SEM1: variants seen among roughly 807,000 people sequenced by gnomAD.
SEM1 encodes the protein SEM1 26S proteasome subunit.
Under a neutral mutation model 12.7 loss-of-function variants are expected in SEM1, and 3 were observed. The observed-to-expected ratio is 0.24, with a 90% CI of 0.11 to 0.61. The LOEUF (loss-of-function observed/expected upper bound fraction) is 0.61. Ranked by LOEUF, SEM1 falls within the 20% of genes least tolerant of loss-of-function variation. SEM1 has a pLI of 0.88. For missense variants in SEM1, 59 were observed against 81.3 expected (o/e 0.73, Z 1.06); for synonymous variants, 30 against 27.8 (o/e 1.08, Z -0.25).
chr7:96,675,652 C>T (rs1034332655), intron 2 of SEM1, among the ~76,000 whole-genome samples: 12 of 152,162 alleles, frequency 7.9e-5, no homozygotes, highest in African/African-American at 2.9e-4. Context: ...CCAGCTCTCA[C>T]TGTCATTTCC....
intron 2 of SEM1, among the ~76,000 whole-genome samples, chr7:96,518,732 C>G (rs1043273100): frequency 2.6e-5 from 4 of 152,114 alleles, no homozygotes; most frequent in African/African-American, 9.7e-5. Context: ...TATCTCTTTG[C>G]GAATTATTCA....
chr7:96,578,840 C>G (rs1360189816), intron 2 of SEM1, among the ~76,000 whole-genome samples: 1 of 152,102 alleles, frequency 6.6e-6, no homozygotes, highest in African/African-American at 2.4e-5. Context: ...GTACAGATGC[C>G]CACCCAGCCT....
intron 2 of SEM1, chr7:96,645,461 C>T (rs117512442): frequency 1.9e-4 from 55 of 282,416 alleles, no homozygotes; most frequent in Non-Finnish European, 3.3e-4. Flanking sequence ...GGGTCTTTAA[C>T]AATGACTAAG....
chr7:96,643,549 C>G (rs961482276), intron 2 of SEM1, among the ~76,000 whole-genome samples: 3 of 151,966 alleles, frequency 2.0e-5, no homozygotes, highest in African/African-American at 7.3e-5. Flanking sequence ...AGACTTGGAA[C>G]CAACCCAAAT....
At chr7:96,576,068 G>C (rs1325543985) in intron 2 of SEM1, among the ~76,000 whole-genome samples, 1 of 152,054 alleles carries the variant, frequency 6.6e-6, no homozygotes, top group Non-Finnish European at 1.5e-5. Context: ...TACAGCATTT[G>C]TCATTATACA....
chr7:96,483,718 C>T, exon 4 of SEM1: 1 of 1,088,218 alleles, frequency 9.2e-7, no homozygotes, highest in Non-Finnish European at 1.3e-6. Flanking sequence ...GTGACCCACC[C>T]AGCCACACAG....
At chr7:96,549,397 C>T (rs146572137) in intron 2 of SEM1, among the ~76,000 whole-genome samples, 1 of 152,178 alleles carries the variant, frequency 6.6e-6, no homozygotes, top group African/African-American at 2.4e-5. Flanking sequence ...TTTTAGGGCA[C>T]TTTCGTGATC....
chr7:96,487,349 CACTA>C (rs1289755712), intron 1 of SEM1, among the ~76,000 whole-genome samples: 22 of 150,088 alleles, frequency 1.5e-4, no homozygotes, highest in Middle Eastern at 3.4e-3. Flanking sequence ...AAATTAGTAA[CACTA>C]ACCCAAAACA....
chr7:96,577,923 A>G (rs12534601), intron 2 of SEM1, among the ~76,000 whole-genome samples: 47,009 of 151,774 alleles, frequency 0.31, 7,310 homozygotes, highest in Middle Eastern at 0.32. Context: ...AAATTACTAT[A>G]TGCAGGATAT....
chr7:96,696,145 G>C (rs1289478201), intron 1 of SEM1: 3 of 151,678 alleles, frequency 2.0e-5, no homozygotes, highest in Non-Finnish European at 4.4e-5. Flanking sequence ...TTACAACAAA[G>C]ATAAAGCATC....
chr7:96,604,245 A>G lies in SEM1; in HGVS notation c.170+90553T>C, dbSNP rs1382418205. On this transcript the variant is annotated intron_variant and NMD_transcript_variant, in intron 2 of 3. Transcript: ENST00000466986. ...TAATGATCATTAAAATATTACTTCC[A>G]TAACTATTATGACATATGATAGGGA... 2.0e-5 allele frequency among the ~76,000 whole-genome samples: 3 copies of G among 152,152 alleles called. No homozygotes were observed. In the South Asian group the frequency reaches 6.2e-4, roughly 32 times the overall value.
At position 96,640,276 on chromosome 7, in the gene SEM1, G is replaced by C. The variant is rs118072875; in HGVS notation, c.171-17633C>G. On this transcript the variant is annotated intron_variant, in intron 2 of 2. Transcript: ENST00000417009. The surrounding 1 kb of genome is among the most constrained non-coding windows in gnomAD (Gnocchi z 4.0). The stretch of plus-strand genomic sequence containing the variant: ...TCCACACAAAAACTTGCACACACAC[G>C]TTTATTGCAGGCTTATTCATAATTT... Among the ~76,000 whole-genome samples, 4 of 152,024 alleles carry C rather than the reference G, an allele frequency of 2.6e-5. No individual in the cohort carries two copies. The highest frequency in any genetic ancestry group is 5.9e-5 in the Non-Finnish European group (4 of 67,914).
chr7:96,619,271 G>T (rs781747815), downstream of SEM1, among the ~76,000 whole-genome samples: 4 of 152,124 alleles, frequency 2.6e-5, no homozygotes, highest in Non-Finnish European at 4.4e-5. Flanking sequence ...TTTTTCCTGA[G>T]TATGTATGTA....
At chr7:96,643,763 C>T (rs1295013033) in intron 2 of SEM1, among the ~76,000 whole-genome samples, 2 of 152,070 alleles carry the variant, frequency 1.3e-5, no homozygotes, top group African/African-American at 4.8e-5. Flanking sequence ...AATGAGAACA[C>T]ATGGACACAG....
At chr7:96,578,651 A>G (rs748297581) in intron 2 of SEM1, among the ~76,000 whole-genome samples, 1 of 152,254 alleles carries the variant, frequency 6.6e-6, no homozygotes, top group Non-Finnish European at 1.5e-5. Context: ...ATTGGTAAAG[A>G]TATGGGAAAA....
chr7:96,555,621 A>G (rs1294244836), intron 2 of SEM1, among the ~76,000 whole-genome samples: 2 of 143,450 alleles, frequency 1.4e-5, no homozygotes, highest in African/African-American at 5.1e-5. Context: ...TATGTGGTCA[A>G]TTTTGGAATA....
At chr7:96,565,708 T>C (rs960452328) in intron 2 of SEM1, among the ~76,000 whole-genome samples, 6 of 151,866 alleles carry the variant, frequency 4.0e-5, no homozygotes, top group Admixed American at 3.3e-4. Flanking sequence ...TTTAAAAAGC[T>C]TTAAAAAGAA....
At chr7:96,660,570 T>C (rs140982210) in intron 2 of SEM1, among the ~76,000 whole-genome samples, 3 of 152,296 alleles carry the variant, frequency 2.0e-5, no homozygotes, top group African/African-American at 4.8e-5. Context: ...TTATTGTATA[T>C]ATATAATTTC....
intron 2 of SEM1, among the ~76,000 whole-genome samples, chr7:96,675,264 G>A (rs924280186): frequency 6.6e-6 from 1 of 152,120 alleles, no homozygotes; most frequent in Non-Finnish European, 1.5e-5. Context: ...GAGGAATAAT[G>A]AATTCATAGA....
Sources: allele counts gnomAD v4.1 joint callset (sites outside exome capture counted in the v4.1 genomes callset), GRCh38; gene constraint gnomAD v4.1.1; non-coding constraint Gnocchi (gnomAD v3.1); transcripts MANE v1.5; gene names NCBI Gene and HGNC (gene_info 2026-07-23, HGNC 2026-07-21).